TRDN: variants seen among roughly 807,000 people sequenced by gnomAD.
TRDN encodes triadin in skeletal muscle.
In TRDN, 161 loss-of-function variants were observed where a neutral mutation model predicts 149.7. That is an observed-to-expected ratio of 1.08 (90% CI 0.95 to 1.23). TRDN has a LOEUF of 1.23. Among genes scored for constraint, TRDN ranks in the 50% most tolerant of loss-of-function variants. TRDN has a pLI of 0.00. For missense variants in TRDN, 896 were observed against 823.5 expected (o/e 1.09, Z -1.08); for synonymous variants, 294 against 250.5 (o/e 1.17, Z -1.64).
chr6:123,533,989 A>T (rs961463161), intron 4 of TRDN, among the ~76,000 whole-genome samples: 1 of 152,152 alleles, frequency 6.6e-6, no homozygotes, highest in Non-Finnish European at 1.5e-5. Flanking sequence ...TCAGTCTCAC[A>T]GGGAAAGCCT....
At chr6:123,411,072 A>G (rs1364661839) in intron 12 of TRDN, among the ~76,000 whole-genome samples, 8 of 144,286 alleles carry the variant, frequency 5.5e-5, no homozygotes, top group Admixed American at 2.8e-4. Context: ...TTTGAGTCAG[A>G]GTCTCGCTCT....
chr6:123,434,513 T>C (rs1774472990), intron 12 of TRDN, among the ~76,000 whole-genome samples: 1 of 152,148 alleles, frequency 6.6e-6, no homozygotes, highest in Admixed American at 6.5e-5. Context: ...TCTGCCCTGA[T>C]GCTTAATAAT....
chr6:123,417,315 T>A (rs1773697822), intron 12 of TRDN, among the ~76,000 whole-genome samples: 1 of 152,222 alleles, frequency 6.6e-6, no homozygotes. Context: ...CAATATAAAA[T>A]TTTTTGATCC....
intron 37 of TRDN, 32 bp downstream of exon 37, chr6:123,255,049 A>G: frequency 1.7e-6 from 2 of 1,191,898 alleles, no homozygotes; most frequent in South Asian, 2.9e-5. Flanking sequence ...ATGTTTTCAT[A>G]CAAACATAGT....
chr6:123,626,238 T>C (rs1437646724), intron 1 of TRDN, among the ~76,000 whole-genome samples: 2 of 152,068 alleles, frequency 1.3e-5, no homozygotes, highest in Admixed American at 1.3e-4. Flanking sequence ...TCCCAGCACG[T>C]TGGGAGGCCA....
chr6:123,278,503 T>C (rs1175891189), intron 25 of TRDN, among the ~76,000 whole-genome samples, 156 bp from the exon 26 acceptor site: 2 of 152,234 alleles, frequency 1.3e-5, no homozygotes, highest in Non-Finnish European at 2.9e-5. Context: ...ATTAACCATA[T>C]TCTTATGATT....
intron 20 of TRDN, among the ~76,000 whole-genome samples, chr6:123,357,054 C>T (rs1461660162): frequency 1.3e-5 from 2 of 151,620 alleles, no homozygotes; most frequent in Non-Finnish European, 3.0e-5. Flanking sequence ...GACTTCTTAG[C>T]TATCTTTTAT....
intron 7 of TRDN, 139 bp downstream of exon 7, chr6:123,512,164 T>G: frequency 1.9e-6 from 1 of 519,108 alleles, no homozygotes; most frequent in Admixed American, 3.4e-5. Flanking sequence ...TTTTAGATAT[T>G]AAATTTTAAA....
intron 12 of TRDN, among the ~76,000 whole-genome samples, chr6:123,400,337 CA>C (rs1772914592): frequency 6.6e-6 from 1 of 151,602 alleles, no homozygotes; most frequent in Non-Finnish European, 1.5e-5. Context: ...TTTTTGGCAC[CA>C]GGGCCTGGTT....
At chr6:123,400,249 T>C (rs1772909441) in intron 12 of TRDN, among the ~76,000 whole-genome samples, 1 of 149,556 alleles carries the variant, frequency 6.7e-6, no homozygotes, top group Admixed American at 6.7e-5. Flanking sequence ...TTTAGCCATA[T>C]TCTTCAGTTA....
intron 4 of TRDN, among the ~76,000 whole-genome samples, chr6:123,541,052 T>TA (rs1780809726): frequency 6.6e-6 from 1 of 152,222 alleles, no homozygotes; most frequent in South Asian, 2.1e-4. Flanking sequence ...ACAGGAAACA[T>TA]ACAGAACTGC....
chr6:123,244,872 G>A (rs1166364126), intron 38 of TRDN, among the ~76,000 whole-genome samples: 2 of 152,190 alleles, frequency 1.3e-5, no homozygotes, highest in Non-Finnish European at 2.9e-5. Context: ...ACAAAGGGAA[G>A]CCCATCAGAC....
intron 22 of TRDN, among the ~76,000 whole-genome samples, chr6:123,333,660 T>C (rs915861690): frequency 2.6e-5 from 4 of 151,932 alleles, no homozygotes; most frequent in East Asian, 2.0e-4. Flanking sequence ...CCCAAGGAAG[T>C]GAGGAGGATA....
At chr6:123,281,534 CA>C (rs1171998345) in intron 24 of TRDN, among the ~76,000 whole-genome samples, 1 of 152,032 alleles carries the variant, frequency 6.6e-6, no homozygotes, top group Non-Finnish European at 1.5e-5. Context: ...AAGGATAATA[CA>C]TAGTCATATT....
At chr6:123,540,647 T>A (rs1020052382) in intron 4 of TRDN, among the ~76,000 whole-genome samples, 4 of 152,116 alleles carry the variant, frequency 2.6e-5, no homozygotes, top group Admixed American at 2.0e-4. Flanking sequence ...AGCCTCCGAG[T>A]AGCTGGGACT....
At chr6:123,633,354 CAG>C (rs1338417935) in intron 1 of TRDN, among the ~76,000 whole-genome samples, 1 of 152,020 alleles carries the variant, frequency 6.6e-6, no homozygotes, top group Non-Finnish European at 1.5e-5. Flanking sequence ...ACCAACCTAA[CAG>C]TCTCACACAG....
At chr6:123,325,226 G>C (rs1779397204) in intron 23 of TRDN, among the ~76,000 whole-genome samples, 1 of 151,882 alleles carries the variant, frequency 6.6e-6, no homozygotes, top group South Asian at 2.1e-4. Context: ...TAAAAATCTT[G>C]GCTAATCATT....
chr6:123,286,292 G>A (rs1345334926), intron 24 of TRDN, among the ~76,000 whole-genome samples: 2 of 152,050 alleles, frequency 1.3e-5, no homozygotes, highest in Admixed American at 6.6e-5. Context: ...ATCAACCAAT[G>A]AGTTGATGAA....
intron 35 of TRDN, among the ~76,000 whole-genome samples, chr6:123,258,970 A>T (rs921345577): frequency 6.6e-6 from 1 of 151,796 alleles, no homozygotes; most frequent in East Asian, 1.9e-4. Flanking sequence ...ATTTCTGTGG[A>T]ATCAGTGGTG....
Sources: gnomAD v4.1 joint callset for allele counts (sites outside exome capture counted in the v4.1 genomes callset) on GRCh38, gnomAD v4.1.1 for gene constraint, MANE v1.5 for transcripts, NCBI Gene and HGNC (gene_info 2026-07-23, HGNC 2026-07-21) for gene names.